The following PTK2 variants were observed in gnomAD, a reference collection of about 807,000 sequenced individuals.
The protein encoded by PTK2 is protein tyrosine kinase 2, also known as focal adhesion kinase 1.
Under a neutral mutation model 150.1 loss-of-function variants are expected in PTK2, and 45 were observed. The ratio of observed to expected loss-of-function variants is 0.30; its 90% confidence interval spans 0.24 to 0.38. PTK2 has a LOEUF of 0.38. Among genes scored for constraint, PTK2 ranks in the 10% least tolerant of loss-of-function variants. The pLI is 1.00. For synonymous variants in PTK2, 432 were observed against 449.2 expected, an observed-to-expected ratio of 0.96 and a Z score of 0.48; for missense variants, 919 against 1,307.3, an observed-to-expected ratio of 0.70 and a Z score of 4.58.
intron 13 of PTK2, among the ~76,000 whole-genome samples, chr8:140,790,421 T>G (rs2100087753): frequency 6.6e-6 from 1 of 152,226 alleles, no homozygotes; most frequent in African/African-American, 2.4e-5. Context: ...ATACACCTTA[T>G]ACATGTAACC....
intron 3 of PTK2, among the ~76,000 whole-genome samples, chr8:140,886,118 G>A (rs879294466): frequency 1.3e-5 from 2 of 152,178 alleles, no homozygotes; most frequent in Non-Finnish European, 2.9e-5. Flanking sequence ...ATGTGGACAG[G>A]ATTAGCTAAT....
chr8:140,898,939 C>T (rs1168589449), intron 2 of PTK2, among the ~76,000 whole-genome samples: 1 of 152,142 alleles, frequency 6.6e-6, no homozygotes, highest in African/African-American at 2.4e-5. Flanking sequence ...GAAATTATGA[C>T]CTAACTTGAA....
chr8:140,686,717 A>T, intron 26 of PTK2, 23 bp from the exon 30 acceptor site: 2 of 1,599,784 alleles, frequency 1.3e-6, no homozygotes, highest in Non-Finnish European at 1.7e-6. Context: ...AAACAAAATC[A>T]AAACAATTTC....
At chr8:140,667,129 G>C (rs1184272600) in intron 30 of PTK2, among the ~76,000 whole-genome samples, 1 of 152,170 alleles carries the variant, frequency 6.6e-6, no homozygotes, top group South Asian at 2.1e-4. Flanking sequence ...GAAAAGAGGA[G>C]GGTTGTTTCA....
At chr8:140,937,946 G>A (rs190029139) in intron 1 of PTK2, among the ~76,000 whole-genome samples, 1 of 152,222 alleles carries the variant, frequency 6.6e-6, no homozygotes. Flanking sequence ...AAAAGAACAT[G>A]ACCAAAATTA....
intron 1 of PTK2, among the ~76,000 whole-genome samples, chr8:140,973,526 T>C (rs578253264): frequency 6.6e-6 from 1 of 151,048 alleles, no homozygotes; most frequent in South Asian, 2.1e-4. Context: ...GCAGAAAAGT[T>C]TGCTTTCCAA....
At position 140,761,832 on chromosome 8, in the gene PTK2, A is replaced by G. The variant is rs114190261; in HGVS notation, c.1235-570T>C. ...GAGGTAGTTTCTTAAAACTAATTTC[A>G]AAGTTAGATGACTCAGAATCAAGGT... On this transcript the variant is annotated intron_variant, in intron 15 of 31. Coordinates refer to ENST00000522684, the Ensembl canonical transcript of PTK2. Among the ~76,000 whole-genome samples, 521 of 152,232 alleles carry G rather than the reference A, an allele frequency of 3.4e-3. 4 individuals are homozygous for G. The highest frequency in any genetic ancestry group is 0.021 in the Middle Eastern group (6 of 290).
intron 14 of PTK2, among the ~76,000 whole-genome samples, chr8:140,771,886 T>A (rs1017489585): frequency 6.6e-6 from 1 of 151,790 alleles, no homozygotes; most frequent in African/African-American, 2.4e-5. Flanking sequence ...TTCAAGCGAT[T>A]CTCCTGCTTC....
At chr8:140,957,511 C>T (rs1269385752) in intron 1 of PTK2, among the ~76,000 whole-genome samples, 4 of 152,146 alleles carry the variant, frequency 2.6e-5, no homozygotes, top group African/African-American at 9.7e-5. Flanking sequence ...ACTTAGTGTA[C>T]AGCCTAAGTG....
intron 22 of PTK2, among the ~76,000 whole-genome samples, chr8:140,720,690 A>G (rs1440657964): frequency 1.3e-5 from 2 of 152,240 alleles, no homozygotes; most frequent in Non-Finnish European, 2.9e-5. Flanking sequence ...GAAATTCCCC[A>G]TCAGATAATA....
At chr8:140,713,940 G>A (rs1437689448) in intron 23 of PTK2, among the ~76,000 whole-genome samples, 2 of 152,108 alleles carry the variant, frequency 1.3e-5, no homozygotes, top group Non-Finnish European at 2.9e-5. Context: ...AGGCTGGAAT[G>A]CAAAGGTGCA....
rs12680131 is a variant in PTK2, at chr8:140,918,787, G to A, written c.-33+6874C>T. Among the ~76,000 whole-genome samples the A allele has an allele frequency of 3.9e-5, 6 of 152,146 alleles. No individual in the cohort carries two copies. The East Asian group carries it at 9.6e-4, about 24-fold the overall frequency. On this transcript the variant is annotated intron_variant, in intron 2 of 31. Coordinates refer to ENST00000522684, the Ensembl canonical transcript of PTK2. ...ATGTGACTGATAAAATCAAATGTGT[G>A]GTTTAGAATGTCTAACTGCAGATAG...
intron 22 of PTK2, among the ~76,000 whole-genome samples, chr8:140,722,343 T>C (rs1428760430): frequency 2.0e-5 from 3 of 152,170 alleles, no homozygotes; most frequent in African/African-American, 7.2e-5. Context: ...GGCACGATCA[T>C]TCCTGGACTC....
At chr8:140,793,376 G>A (rs996717242) in exon 13 of PTK2, 10 of 1,609,008 alleles carry the variant, frequency 6.2e-6, no homozygotes, top group African/African-American at 2.7e-5. Context: ...GGCAAAGCCC[G>A]TTCACCTTCT....
chr8:140,994,272 G>T (rs2100196798), intron 1 of PTK2, among the ~76,000 whole-genome samples: 1 of 152,146 alleles, frequency 6.6e-6, no homozygotes, highest in South Asian at 2.1e-4. Flanking sequence ...ACTATTTCCT[G>T]CTTTTGTCTA....
At chr8:140,864,398 A>G (rs755415308) in exon 5 of PTK2, 17 of 1,535,476 alleles carry the variant, frequency 1.1e-5, no homozygotes, top group Non-Finnish European at 1.5e-5. Flanking sequence ...CTCAATTCAT[A>G]TCTAAAAATA....
At chr8:140,993,981 C>T (rs2100196688) in intron 1 of PTK2, among the ~76,000 whole-genome samples, 1 of 152,160 alleles carries the variant, frequency 6.6e-6, no homozygotes, top group South Asian at 2.1e-4. Flanking sequence ...CTGTCCACCT[C>T]GGCTTCCCAA....
chr8:140,669,340 T>TATATATATATATATATATAC (rs1377363515), intron 29 of PTK2: 2 of 132,844 alleles, frequency 1.5e-5, no homozygotes, highest in Admixed American at 7.4e-5. Flanking sequence ...TATATATATA[T>TATATATATATATATATATAC]ACACTTTTTA....
chr8:140,975,033 C>T (rs1475064215), intron 1 of PTK2, among the ~76,000 whole-genome samples: 1 of 152,190 alleles, frequency 6.6e-6, no homozygotes, highest in East Asian at 1.9e-4. Context: ...TCAATCCCTA[C>T]TCTCCATTTC....
Sources: allele counts gnomAD v4.1 joint callset (sites outside exome capture counted in the v4.1 genomes callset), GRCh38; gene constraint gnomAD v4.1.1; transcripts MANE v1.5; gene names NCBI Gene and HGNC (gene_info 2026-07-23, HGNC 2026-07-21).